The following SRGAP3 variants were observed in gnomAD, a reference collection of about 807,000 sequenced individuals.
The protein encoded by SRGAP3 is SLIT-ROBO Rho GTPase-activating protein 3.
SRGAP3 carries 39 observed loss-of-function variants against 121.1 expected under a neutral mutation model. The observed-to-expected ratio is 0.32, with a 90% confidence interval of 0.25 to 0.42. The LOEUF (loss-of-function observed/expected upper bound fraction) is 0.42, where lower values mean the gene tolerates loss of function less well. Ranked by LOEUF, SRGAP3 falls within the 10% of genes least tolerant of loss-of-function variation. The probability of loss-of-function intolerance (pLI) is 1.00; values close to 1 mark genes in which losing one functional copy is unlikely to be tolerated. For missense variants in SRGAP3, 1,213 were observed against 1,470.6 expected (o/e 0.82, Z 2.86); for synonymous variants, 601 against 570.0 (o/e 1.05, Z -0.77).
At chr3:9,126,167 G>A (rs545939717) in intron 1 of SRGAP3, among the ~76,000 whole-genome samples, 30 of 152,096 alleles carry the variant, frequency 2.0e-4, no homozygotes, top group Non-Finnish European at 3.7e-4. Context: ...GCCTGACAAC[G>A]TGCCTCAGTC....
intron 1 of SRGAP3, among the ~76,000 whole-genome samples, chr3:9,213,585 T>A (rs1031742316): frequency 6.6e-6 from 1 of 152,156 alleles, no homozygotes; most frequent in African/African-American, 2.4e-5. Context: ...GTTTCACGCT[T>A]CCCCTTGCCT....
At chr3:9,344,484 T>G (rs1955848357) in intron 1 of SRGAP3, among the ~76,000 whole-genome samples, 1 of 151,750 alleles carries the variant, frequency 6.6e-6, no homozygotes, top group South Asian at 2.1e-4. Flanking sequence ...ATACAAAAAT[T>G]AGCCAGGTGT....
intron 2 of SRGAP3, among the ~76,000 whole-genome samples, chr3:9,115,209 A>G (rs147604159): frequency 3.0e-4 from 46 of 151,988 alleles, no homozygotes; most frequent in African/African-American, 1.1e-3. Context: ...GACTCCTTCA[A>G]CTCTCACCAG....
chr3:9,286,155 C>T (rs183184989), intron 3 of SRGAP3, among the ~76,000 whole-genome samples: 800 of 140,976 alleles, frequency 5.7e-3, no homozygotes, highest in African/African-American at 9.7e-3. Context: ...CACACACACA[C>T]ACACACATTT....
chr3:9,357,886 CTTTT>C (rs1353514236), intron 1 of SRGAP3, among the ~76,000 whole-genome samples: 2 of 138,894 alleles, frequency 1.4e-5, no homozygotes, highest in Non-Finnish European at 3.1e-5. Flanking sequence ...TTTTTTTTTT[CTTTT>C]TTGAGATGGA....
chr3:9,149,909 C>A (rs770995459), intron 1 of SRGAP3, among the ~76,000 whole-genome samples: 5 of 152,202 alleles, frequency 3.3e-5, no homozygotes, highest in African/African-American at 4.8e-5. Flanking sequence ...ATCCAGCCAG[C>A]CATGGCTCCA....
At chr3:9,267,311 A>G (rs891701197) in intron 3 of SRGAP3, among the ~76,000 whole-genome samples, 6 of 152,176 alleles carry the variant, frequency 3.9e-5, no homozygotes, top group African/African-American at 1.4e-4. Context: ...GCAGACAGAG[A>G]TGCTTTCAGA....
chr3:9,254,628 T>C (rs1954087161), upstream of SRGAP3, among the ~76,000 whole-genome samples: 1 of 152,022 alleles, frequency 6.6e-6, no homozygotes, highest in Non-Finnish European at 1.5e-5. Flanking sequence ...ACCTCTTCTC[T>C]ACAAAAAATA....
chr3:9,307,773 A>C (rs1440587125), intron 3 of SRGAP3, among the ~76,000 whole-genome samples: 1 of 152,258 alleles, frequency 6.6e-6, no homozygotes, highest in Non-Finnish European at 1.5e-5. Flanking sequence ...AAAATTACTT[A>C]ATCAGAATTG....
intron 1 of SRGAP3, among the ~76,000 whole-genome samples, chr3:9,343,067 A>T (rs1955821963): frequency 6.6e-6 from 1 of 152,162 alleles, no homozygotes; most frequent in Non-Finnish European, 1.5e-5. Flanking sequence ...ATCTCCCACA[A>T]GCCCTTCAAA....
At chr3:9,211,572 T>C (rs936924797) in intron 1 of SRGAP3, among the ~76,000 whole-genome samples, 6 of 152,106 alleles carry the variant, frequency 3.9e-5, no homozygotes, top group Non-Finnish European at 7.3e-5. Context: ...ATTACTCAGT[T>C]AAGCTGAAAA....
At chr3:9,155,012 T>G (rs965866834) in intron 1 of SRGAP3, among the ~76,000 whole-genome samples, 24 of 150,950 alleles carry the variant, frequency 1.6e-4, no homozygotes, top group Admixed American at 7.9e-4. Context: ...TTTGTTTTTT[T>G]TTTGCATCCT....
intron 1 of SRGAP3, among the ~76,000 whole-genome samples, chr3:9,220,072 T>C (rs1574892752): frequency 6.6e-6 from 1 of 151,944 alleles, no homozygotes; most frequent in Non-Finnish European, 1.5e-5. Flanking sequence ...GGTTAATGGG[T>C]ACAAACATAT....
At chr3:9,348,405 G>A (rs1234637249) in intron 1 of SRGAP3, 10 of 565,702 alleles carry the variant, frequency 1.8e-5, no homozygotes, top group African/African-American at 3.7e-5. Context: ...TCCAGAATCC[G>A]CGAACCCCAG....
chr3:9,227,436 G>A (rs1271008138), intron 1 of SRGAP3, among the ~76,000 whole-genome samples: 1 of 152,178 alleles, frequency 6.6e-6, no homozygotes, highest in East Asian at 1.9e-4. Context: ...CATGGGTTAT[G>A]TCATTTAATC....
At chr3:9,243,074 G>GC (rs1953703200) in intron 1 of SRGAP3, among the ~76,000 whole-genome samples, 1 of 152,156 alleles carries the variant, frequency 6.6e-6, no homozygotes, top group South Asian at 2.1e-4. Context: ...AAGCCTCTCT[G>GC]CCCTCAAGAG....
rs538613358 is a variant in SRGAP3 at position 9,345,819 on chromosome 3, A to G, written n.215-15223T>C. The stretch of plus-strand genomic sequence containing the variant: ...AAAAAAAAAAAGAAAAGAAAAAAGA[A>G]AGAGAGAGAGAACAGAAGAGCAGAG... On this transcript the variant is annotated intron_variant and non_coding_transcript_variant, in intron 1 of 3. Coordinates refer to the SRGAP3 transcript ENST00000490889. Among the ~76,000 whole-genome samples the G allele has an allele frequency of 1.9e-4, 29 of 151,972 alleles. No homozygotes were observed. In the South Asian group the frequency reaches 2.7e-3, roughly 14 times the overall value.
chr3:8,995,706 G>GC (rs1942358788), intron 18 of SRGAP3, among the ~76,000 whole-genome samples: 1 of 152,180 alleles, frequency 6.6e-6, no homozygotes, highest in Non-Finnish European at 1.5e-5. Context: ...GTTTTGGGGA[G>GC]CAGGGGATTG....
intron 4 of SRGAP3, among the ~76,000 whole-genome samples, chr3:9,069,166 CA>C (rs1225318084): frequency 6.6e-6 from 1 of 152,148 alleles, no homozygotes; most frequent in Non-Finnish European, 1.5e-5. Context: ...AACTGTAAAA[CA>C]GGGGTGAAAG....
Sources: gnomAD v4.1 joint callset for allele counts (sites outside exome capture counted in the v4.1 genomes callset) on GRCh38, gnomAD v4.1.1 for gene constraint, MANE v1.5 for transcripts, NCBI Gene and HGNC (gene_info 2026-07-23, HGNC 2026-07-21) for gene names.